The following STS variants were observed in gnomAD, a reference collection of about 807,000 sequenced individuals.
STS encodes steryl-sulfatase.
A neutral mutation model predicts 26.8 loss-of-function variants in STS; 7 were observed. That is an observed-to-expected ratio of 0.26 (90% CI 0.15 to 0.49). The LOEUF is 0.49. STS is among the 20% of genes least tolerant of loss of function. STS has a pLI of 0.98. For synonymous variants in STS, 199 were observed against 189.4 expected (o/e 1.05, Z -0.42); for missense variants, 434 against 465.6 (o/e 0.93, Z 0.63).
At chrX:7,271,915 C>T (rs1569208424) in intron 6 of STS, among the ~76,000 whole-genome samples, 1 of 109,906 alleles carries the variant, frequency 9.1e-6, no homozygotes, top group East Asian at 2.9e-4. Context: ...GGATGCCTGG[C>T]TTAGCTCTAA....
intron 1 of STS, among the ~76,000 whole-genome samples, chrX:7,182,515 T>A (rs1330291760): frequency 9.1e-6 from 1 of 110,415 alleles, no homozygotes. Context: ...CTATAGTGTC[T>A]TTTCATAAAT....
At chrX:7,302,850 G>A (rs1477963028) in intron 7 of STS, among the ~76,000 whole-genome samples, 4 of 111,185 alleles carry the variant, frequency 3.6e-5, no homozygotes, top group East Asian at 2.8e-4. Context: ...TAATTATTTC[G>A]ACTGCAGAGG....
chrX:7,324,201 T>A (rs111822341), intron 8 of STS, among the ~76,000 whole-genome samples: 53 of 110,488 alleles, frequency 4.8e-4, no homozygotes, highest in African/African-American at 1.7e-3. Context: ...AGGTCATAGG[T>A]GGACTCAAAG....
intron 1 of STS, among the ~76,000 whole-genome samples, chrX:7,185,038 C>T (rs1340824012): frequency 6.2e-5 from 7 of 112,240 alleles, no homozygotes; most frequent in African/African-American, 2.3e-4. Context: ...TCATAGGTCT[C>T]TCACTGAGTC....
At chrX:7,270,998 C>CTT (rs142362269) in intron 6 of STS, among the ~76,000 whole-genome samples, 47 of 101,264 alleles carry the variant, frequency 4.6e-4, no homozygotes, top group East Asian at 1.2e-3. Flanking sequence ...TCTTCTTCTT[C>CTT]TTTTTTTTTT....
intron 2 of STS, among the ~76,000 whole-genome samples, chrX:7,207,308 C>T (rs1218734084): frequency 1.8e-5 from 2 of 112,369 alleles, no homozygotes; most frequent in African/African-American, 6.5e-5. Context: ...ACAACTAGCA[C>T]CCTGTCCTCA....
At chrX:7,206,306 T>G (rs1285133349) in intron 2 of STS, among the ~76,000 whole-genome samples, 2 of 112,524 alleles carry the variant, frequency 1.8e-5, no homozygotes, top group Non-Finnish European at 3.8e-5. Context: ...TCAATCACCT[T>G]GGCTTTTTGT....
At chrX:7,219,204 T>G (rs1305376059) in intron 2 of STS, among the ~76,000 whole-genome samples, 1 of 112,081 alleles carries the variant, frequency 8.9e-6, no homozygotes, top group Non-Finnish European at 1.9e-5. Context: ...TCCCGTTCAG[T>G]CTCTTATCTG....
chrX:7,219,984 T>G (rs180948534), intron 2 of STS, among the ~76,000 whole-genome samples: 10 of 112,471 alleles, frequency 8.9e-5, no homozygotes, highest in Admixed American at 4.7e-4. Flanking sequence ...TGTTGCCAAA[T>G]TATTTGTTAA....
At chrX:7,251,813 T>G (rs1336847729) in intron 2 of STS, among the ~76,000 whole-genome samples, 2 of 110,230 alleles carry the variant, frequency 1.8e-5, no homozygotes, top group African/African-American at 3.3e-5. Flanking sequence ...ATAAAAATAT[T>G]ACCCAGGCAT....
intron 7 of STS, among the ~76,000 whole-genome samples, chrX:7,277,146 C>G (rs759710251): frequency 8.9e-6 from 1 of 112,061 alleles, no homozygotes; most frequent in Non-Finnish European, 1.9e-5. Context: ...TTTCTAGCAG[C>G]ATTGCCTCTT....
chrX:7,320,004 ATATATATATT>A lies in STS; in HGVS notation c.1082-5315_1082-5306del, dbSNP rs1406472938. Among the ~76,000 whole-genome samples the A allele has an allele frequency of 9.0e-4, 76 of 84,008 alleles. 3 individuals are homozygous for A. Among genetic ancestry groups the A allele is most frequent in the South Asian group, 1.7e-3 (4 of 2,294 alleles). 73.0% of individuals were successfully genotyped at this position (84,008 alleles called of 115,157 possible). ...TATATATATTTATATATATATTTTT[ATATATATATT>A]TATATATATTTATATATATATTTAT... On this transcript the variant is annotated intron_variant, in intron 8 of 10. Transcript: ENST00000674429.
At chrX:7,279,597 T>C (rs1460061288) in intron 7 of STS, among the ~76,000 whole-genome samples, 7 of 108,950 alleles carry the variant, frequency 6.4e-5, no homozygotes, top group African/African-American at 2.4e-4. Context: ...GTCATTGTAC[T>C]TGGAAAAGGG....
chrX:7,181,897 G>A (rs1253197555), intron 1 of STS, among the ~76,000 whole-genome samples: 1 of 111,268 alleles, frequency 9.0e-6, no homozygotes, highest in East Asian at 2.8e-4. Flanking sequence ...ACCAGCCTGG[G>A]CAATATGATG....
chrX:7,213,712 C>T (rs1921125549), intron 2 of STS, among the ~76,000 whole-genome samples: 1 of 111,766 alleles, frequency 8.9e-6, no homozygotes, highest in Non-Finnish European at 1.9e-5. Context: ...CCCTCCCAGG[C>T]TGCTCCTGAC....
intron 8 of STS, among the ~76,000 whole-genome samples, chrX:7,319,069 T>A (rs143786636): frequency 0.011 from 1,181 of 111,977 alleles, 12 homozygotes; most frequent in African/African-American, 0.036. Context: ...ATTAGCAAAT[T>A]CCTCAGAGGG....
At chrX:7,204,904 GCT>G (rs780902699) in intron 2 of STS, among the ~76,000 whole-genome samples, 1 of 101,444 alleles carries the variant, frequency 9.9e-6, no homozygotes, top group Non-Finnish European at 2.0e-5. Flanking sequence ...TCCCTCCTTC[GCT>G]CTCTCTCTTG....
chrX:7,342,344 G>A (rs945973336), intron 10 of STS, among the ~76,000 whole-genome samples: 1 of 111,325 alleles, frequency 9.0e-6, no homozygotes, highest in African/African-American at 3.3e-5. Context: ...GGGCTTTGAA[G>A]GACAGCTAGA....
At chrX:7,301,102 A>G (rs1319624472) in intron 7 of STS, among the ~76,000 whole-genome samples, 10 of 111,105 alleles carry the variant, frequency 9.0e-5, no homozygotes, top group African/African-American at 3.3e-4. Flanking sequence ...GAGGAAGTCT[A>G]GGAGTCAAAA....
Sources: allele counts gnomAD v4.1 joint callset (sites outside exome capture counted in the v4.1 genomes callset), GRCh38; gene constraint gnomAD v4.1.1; transcripts MANE v1.5; gene names NCBI Gene and HGNC (gene_info 2026-07-23, HGNC 2026-07-21).